The following GRM4 variants were observed in gnomAD, a reference collection of about 807,000 sequenced individuals.
GRM4 encodes glutamate metabotropic receptor 4.
GRM4 carries 28 observed loss-of-function variants against 81.7 expected under a neutral mutation model. The ratio of observed to expected loss-of-function variants is 0.34; its 90% CI spans 0.25 to 0.47. The LOEUF is 0.47. Ranked by LOEUF, GRM4 falls within the 20% of genes least tolerant of loss-of-function variation. GRM4 has a pLI of 1.00. For synonymous variants in GRM4, 488 were observed against 528.8 expected (o/e 0.92, Z 1.06); for missense variants, 948 against 1,290.0 (o/e 0.73, Z 4.06).
Position 34,099,465 on chromosome 6 carries a change from C to T in GRM4, c.520-7366G>A, listed in dbSNP as rs537020039. On this transcript the variant is annotated intron_variant, in intron 2 of 10. Transcript: ENST00000538487. ...CGGCAGGCACTTAGCGGGAGACTCACGGCATTGGGGATCAATTATATGTGG... is the reference window on the plus strand; with the variant it reads ...CGGCAGGCACTTAGCGGGAGACTCATGGCATTGGGGATCAATTATATGTGG... Among the ~76,000 whole-genome samples the T allele has an allele frequency of 8.6e-5, 13 of 151,224 alleles. No individual in the cohort carries two copies. In the East Asian group the frequency reaches 1.9e-3, roughly 23 times the overall value.
rs1230480066 is a variant in GRM4, at chr6:34,121,614, C to T, written c.519+11364G>A. Among the ~76,000 whole-genome samples, 3 of 152,192 alleles carry T rather than the reference C, an allele frequency of 2.0e-5. No individual in the cohort carries two copies. Among genetic ancestry groups the T allele is most frequent in the Admixed American group, 6.5e-5 (1 of 15,284 alleles). On this transcript the variant is annotated intron_variant, in intron 2 of 10. Coordinates refer to ENST00000538487, the MANE Select transcript of GRM4 (RefSeq NM_000841.4). The surrounding 1 kb of genome is among the most constrained non-coding windows in gnomAD (Gnocchi z 4.6). The stretch of plus-strand genomic sequence containing the variant: ...GGAGACCAGGAGCAGGCAGCACCTT[C>T]GAGGCAGATCCCCGCTCAGGGCACC...
chr6:34,038,255 T>C (rs1764819334), intron 8 of GRM4, among the ~76,000 whole-genome samples: 1 of 152,274 alleles, frequency 6.6e-6, no homozygotes, highest in African/African-American at 2.4e-5. Context: ...TCTCTGAGCC[T>C]TTGTTTTCTC....
In GRM4 at chr6:34,028,261, C is replaced by T; in HGVS notation, c.2548G>A (p.Glu850Lys). ...PKVYIILFHP[E>K]QNVPKRKRSL... is the part of the protein sequence containing the mutation. The stretch of plus-strand genomic sequence containing the variant: ...CGCTTGCGCTTGGGCACGTTCTGCT[C>T]CGGGTGGAAGAGGATGATGTAGACT... Residue 850 changes from glutamate (E) to lysine (K), a missense_variant, in exon 10 of 11, where the codon GAG (glutamate) becomes AAG (lysine). Transcript: ENST00000538487. 6.2e-7 allele frequency: 1 copy of T among 1,614,100 alleles called. No individual in the cohort carries two copies. Among genetic ancestry groups the T allele is most frequent in the Non-Finnish European group, 8.5e-7 (1 of 1,180,032 alleles).
In GRM4 at chr6:34,089,988, C is replaced by T. The variant is rs922153005; in HGVS notation, c.736+1895G>A. Among the ~76,000 whole-genome samples, 2 of 152,190 alleles carry T rather than the reference C, an allele frequency of 1.3e-5. No individual in the cohort carries two copies. Among genetic ancestry groups the T allele is most frequent in the Non-Finnish European group, 2.9e-5 (2 of 68,038 alleles). On this transcript the variant is annotated intron_variant, in intron 3 of 10. Coordinates refer to ENST00000538487, the MANE Select transcript of GRM4 (RefSeq NM_000841.4). This position sits in a 1 kb window ranked among gnomAD's most constrained non-coding sequence, Gnocchi z 4.3. ...CAGATGAGACCTCTAGTTCCGGAGC[C>T]AGCCATCCTGGGTTCAAATCCCTTC...
intron 1 of GRM4, chr6:34,155,052 GC>G: frequency 6.8e-7 from 1 of 1,470,694 alleles, no homozygotes. Context: ...CCGGGGACAC[GC>G]CCGGATTGAG....
intron 2 of GRM4, chr6:34,102,188 C>T (rs1169385420): frequency 6.5e-7 from 1 of 1,527,210 alleles, no homozygotes; most frequent in Non-Finnish European, 8.8e-7. Flanking sequence ...ATAGGTCTCC[C>T]CACTTCCTGC....
chr6:34,146,311 C>T (rs1205382775), upstream of GRM4, among the ~76,000 whole-genome samples: 1 of 152,150 alleles, frequency 6.6e-6, no homozygotes, highest in African/African-American at 2.4e-5. Context: ...CCACAGAGCC[C>T]CCTTACCACC....
intron 3 of GRM4, among the ~76,000 whole-genome samples, chr6:34,075,786 C>T (rs1482107015): frequency 6.6e-6 from 1 of 152,220 alleles, no homozygotes; most frequent in Non-Finnish European, 1.5e-5. Flanking sequence ...TTATTATACT[C>T]TTATTGTTGG....
intron 6 of GRM4, 52 bp from the exon 7 acceptor site, chr6:34,040,800 A>AG: frequency 1.3e-6 from 2 of 1,487,994 alleles, no homozygotes. Flanking sequence ...CTGTCCTCAC[A>AG]GTGGTGTCAT....
rs1766181763 is a variant in GRM4 at position 34,061,628 on chromosome 6, C to T, written c.872+265G>A. 9 of 397,378 alleles carry T rather than the reference C, an allele frequency of 2.3e-5. No individual in the cohort carries two copies. In the South Asian group the frequency reaches 4.9e-4, roughly 22 times the overall value. 24.6% of individuals were successfully genotyped at this position (397,378 alleles called of 1,614,324 possible). On this transcript the variant is annotated intron_variant, in intron 4 of 10. Transcript: ENST00000538487. Reference sequence around the variant, plus strand: ...CGGCCCCAAGCTCACGGCCTCAGCCCTCTGTTAAAGCACCCAGGTAGCCAT... The same window carrying T: ...CGGCCCCAAGCTCACGGCCTCAGCCTTCTGTTAAAGCACCCAGGTAGCCAT...
intron 2 of GRM4, among the ~76,000 whole-genome samples, chr6:34,106,433 GA>G (rs1769131891): frequency 6.7e-6 from 1 of 148,344 alleles, no homozygotes; most frequent in African/African-American, 2.5e-5. Flanking sequence ...AAAAAAGAAA[GA>G]AAGAAAAAAC....
chr6:34,041,755 G>A (rs933526771), intron 6 of GRM4, among the ~76,000 whole-genome samples: 3 of 152,226 alleles, frequency 2.0e-5, no homozygotes, highest in African/African-American at 7.2e-5. Flanking sequence ...CAGGTGGGAC[G>A]ACTTTGTGGA....
At chr6:34,104,078 T>C (rs889554748) in intron 2 of GRM4, among the ~76,000 whole-genome samples, 2 of 152,216 alleles carry the variant, frequency 1.3e-5, no homozygotes, top group African/African-American at 4.8e-5. Context: ...ATGCCTGGGT[T>C]CACACCCAGG....
rs756093238 is a variant in GRM4, at chr6:34,059,140, T to TAC, written c.873-14_873-13dup. ...CCTCCAGCACACGCCTGTAGGAACA[T>TAC]ACACCAGCCCAGCCCAGCCGCGTCT... On this transcript the variant is annotated splice_polypyrimidine_tract_variant and intron_variant, in intron 4 of 10. Transcript: ENST00000538487. This position sits in a 1 kb window ranked among gnomAD's most constrained non-coding sequence, Gnocchi z 5.7. 5.0e-6 allele frequency: 8 copies of TAC among 1,612,888 alleles called. No individual in the cohort carries two copies. Among genetic ancestry groups the TAC allele is most frequent in the Non-Finnish European group, 6.8e-6 (8 of 1,179,726 alleles).
intron 6 of GRM4, among the ~76,000 whole-genome samples, chr6:34,051,919 G>A (rs76810289): frequency 4.6e-5 from 7 of 152,302 alleles, no homozygotes; most frequent in South Asian, 2.1e-4. Context: ...CCAAGGCCAC[G>A]TGGCTGGGAA....
chr6:34,051,704 T>G (rs1765620242), intron 6 of GRM4, among the ~76,000 whole-genome samples: 1 of 152,130 alleles, frequency 6.6e-6, no homozygotes, highest in African/African-American at 2.4e-5. Context: ...GATGCCCCTC[T>G]TGGTGACCCC....
intron 3 of GRM4, among the ~76,000 whole-genome samples, chr6:34,079,618 G>A (rs1767481571): frequency 6.6e-6 from 1 of 152,154 alleles, no homozygotes; most frequent in Admixed American, 6.5e-5. Context: ...TGCCCAGAAA[G>A]GAGCCCTTGG....
At chr6:34,154,942 C>G (rs79155350) in intron 1 of GRM4, 9,724 of 633,862 alleles carry the variant, frequency 0.015, 310 homozygotes, top group African/African-American at 0.097. Context: ...GGTGGCCGAA[C>G]GCCCTCATTG....
chr6:34,145,761 G>A (rs911915633), intron 1 of GRM4, among the ~76,000 whole-genome samples: 2 of 152,228 alleles, frequency 1.3e-5, no homozygotes, highest in Non-Finnish European at 2.9e-5. Context: ...AATCCGGCAA[G>A]TTTGCGCTGA....
Sources: allele counts gnomAD v4.1 joint callset (sites outside exome capture counted in the v4.1 genomes callset), GRCh38; gene constraint gnomAD v4.1.1; non-coding constraint Gnocchi (gnomAD v3.1); transcripts MANE v1.5; gene names NCBI Gene and HGNC (gene_info 2026-07-23, HGNC 2026-07-21).